Variants in GSE1 observed in about 807,000 individuals in gnomAD.
GSE1 encodes Gse1 coiled-coil protein.
In GSE1, 32 loss-of-function variants were observed where a neutral mutation model predicts 112.6. The ratio of observed to expected loss-of-function variants is 0.28; its 90% CI spans 0.21 to 0.38. GSE1 has a LOEUF of 0.38. GSE1 is among the 10% of genes least tolerant of loss of function. The pLI, the probability that GSE1 is intolerant of heterozygous loss-of-function variation, is 1.00. For synonymous variants in GSE1, 1,115 were observed against 735.6 expected (o/e 1.52, Z -8.35); for missense variants, 2,348 against 1,699.2 (o/e 1.38, Z -6.71).
At chr16:85,357,527 G>A (rs1475342297) in exon 2 of GSE1, 31 of 1,271,024 alleles carry the variant, frequency 2.4e-5, no homozygotes, top group East Asian at 5.7e-5. Context: ...TCCGAGACCC[G>A]GCCACGCGCC....
At chr16:85,612,506 C>T (rs964480423), upstream of GSE1, among the ~76,000 whole-genome samples, 1 of 152,142 alleles carries the variant, frequency 6.6e-6, no homozygotes, top group African/African-American at 2.4e-5. Context: ...TAATGATCCC[C>T]CTGGCGAAGC....
intron 9 of GSE1, 39 bp downstream of exon 9, chr16:85,661,804 C>A: frequency 6.9e-7 from 1 of 1,456,722 alleles, no homozygotes; most frequent in African/African-American, 1.4e-5. Context: ...TCAGGGAGAG[C>A]CGCACAGTGG....
intron 2 of GSE1, among the ~76,000 whole-genome samples, chr16:85,421,586 A>T (rs528220281): frequency 6.6e-6 from 1 of 152,206 alleles, no homozygotes; most frequent in South Asian, 2.1e-4. Context: ...CGGGGAGGAG[A>T]AGGCAGGTTT....
At chr16:85,372,287 G>C (rs1444093008) in intron 2 of GSE1, among the ~76,000 whole-genome samples, 1 of 151,978 alleles carries the variant, frequency 6.6e-6, no homozygotes, top group East Asian at 1.9e-4. Context: ...GAACAGCCTG[G>C]GCAACATGGC....
At chr16:85,469,372 G>A (rs767635157) in intron 2 of GSE1, among the ~76,000 whole-genome samples, 6 of 152,226 alleles carry the variant, frequency 3.9e-5, no homozygotes, top group Non-Finnish European at 7.3e-5. Context: ...TGGGAGTGGT[G>A]TGGCCACAAG....
intron 1 of GSE1, among the ~76,000 whole-genome samples, chr16:85,341,871 T>C (rs934827061): frequency 1.3e-5 from 2 of 152,132 alleles, no homozygotes; most frequent in African/African-American, 4.8e-5. Flanking sequence ...CTCGTGGTGA[T>C]GGCTAGGGTT....
intron 1 of GSE1, among the ~76,000 whole-genome samples, chr16:85,293,583 C>T (rs1039334068): frequency 1.3e-5 from 2 of 152,122 alleles, no homozygotes; most frequent in Admixed American, 6.5e-5. Flanking sequence ...TAGCTTGAAA[C>T]AGTAGAAATG....
chr16:85,179,627 C>G (rs534463137), intron 1 of GSE1, among the ~76,000 whole-genome samples: 1 of 152,292 alleles, frequency 6.6e-6, no homozygotes, highest in South Asian at 2.1e-4. Flanking sequence ...TTGGAAAAGT[C>G]ATATTGGTGA....
At chr16:85,423,980 C>T (rs2048910713) in intron 2 of GSE1, among the ~76,000 whole-genome samples, 1 of 151,932 alleles carries the variant, frequency 6.6e-6, no homozygotes, top group South Asian at 2.1e-4. Context: ...CTGGCACTGC[C>T]TGCTCTCCTC....
At chr16:85,455,289 C>T (rs1209049076) in intron 2 of GSE1, among the ~76,000 whole-genome samples, 1 of 151,880 alleles carries the variant, frequency 6.6e-6, no homozygotes, top group Non-Finnish European at 1.5e-5. Flanking sequence ...GGGAGGCAGG[C>T]GGGAGGATCG....
intron 2 of GSE1, among the ~76,000 whole-genome samples, chr16:85,371,406 C>A (rs757638193): frequency 6.6e-6 from 1 of 152,174 alleles, no homozygotes; most frequent in African/African-American, 2.4e-5. Flanking sequence ...AGCTGTGACT[C>A]GGTGAGGGTG....
At chr16:85,432,617 T>A (rs1345318482) in intron 2 of GSE1, among the ~76,000 whole-genome samples, 4 of 152,242 alleles carry the variant, frequency 2.6e-5, no homozygotes, top group Non-Finnish European at 5.9e-5. Context: ...ATGCCACCTT[T>A]GTGTGTTTCC....
chr16:85,386,685 C>T (rs1482293658), intron 2 of GSE1, among the ~76,000 whole-genome samples: 3 of 152,222 alleles, frequency 2.0e-5, no homozygotes, highest in Non-Finnish European at 2.9e-5. Flanking sequence ...GTGCGTGAAA[C>T]GCCTTGGAAG....
chr16:85,520,092 G>A (rs931101459), intron 2 of GSE1, among the ~76,000 whole-genome samples: 1 of 152,198 alleles, frequency 6.6e-6, no homozygotes, highest in Non-Finnish European at 1.5e-5. Flanking sequence ...CCATCGAAAT[G>A]TACTGCTTCA....
At chr16:85,484,929 C>A (rs1392994135) in intron 2 of GSE1, among the ~76,000 whole-genome samples, 1 of 152,168 alleles carries the variant, frequency 6.6e-6, no homozygotes, top group Non-Finnish European at 1.5e-5. Flanking sequence ...TGGGCATGGG[C>A]TGCACCCCGA....
At chr16:85,208,983 T>C (rs1039280840) in intron 1 of GSE1, among the ~76,000 whole-genome samples, 2 of 145,464 alleles carry the variant, frequency 1.4e-5, no homozygotes, top group Non-Finnish European at 3.0e-5. Context: ...GGTTTGCCAC[T>C]TGTTGGGGTT....
At chr16:85,617,759 G>C (rs2048470641) in intron 1 of GSE1, among the ~76,000 whole-genome samples, 1 of 152,086 alleles carries the variant, frequency 6.6e-6, no homozygotes, top group African/African-American at 2.4e-5. Flanking sequence ...AGCAATGTGG[G>C]TAGGAATTCC....
chr16:85,459,161 G>A (rs2049909301), intron 2 of GSE1, among the ~76,000 whole-genome samples: 1 of 152,208 alleles, frequency 6.6e-6, no homozygotes, highest in Non-Finnish European at 1.5e-5. Context: ...TGGCATCGGG[G>A]TGAAGTCAGA....
chr16:85,371,606 G>A (rs1177331230), intron 2 of GSE1, among the ~76,000 whole-genome samples: 1 of 152,184 alleles, frequency 6.6e-6, no homozygotes, highest in Non-Finnish European at 1.5e-5. Flanking sequence ...GCACTCCCTG[G>A]GCACATCCCA....
Sources: gnomAD v4.1 joint callset for allele counts (sites outside exome capture counted in the v4.1 genomes callset) on GRCh38, gnomAD v4.1.1 for gene constraint, MANE v1.5 for transcripts, NCBI Gene and HGNC (gene_info 2026-07-23, HGNC 2026-07-21) for gene names.